PTPRC: variants seen among roughly 807,000 people sequenced by gnomAD.
PTPRC encodes receptor-type tyrosine-protein phosphatase C.
PTPRC carries 44 observed loss-of-function variants against 155.9 expected under a neutral mutation model. That is an observed-to-expected ratio of 0.28 (90% confidence interval 0.22 to 0.36). The LOEUF is 0.36. Among genes scored for constraint, PTPRC ranks in the 10% least tolerant of loss-of-function variants. The pLI, the probability that PTPRC is intolerant of heterozygous loss-of-function variation, is 1.00. For synonymous variants in PTPRC, 525 were observed against 533.1 expected (o/e 0.98, Z 0.21); for missense variants, 1,401 against 1,564.6 (o/e 0.90, Z 1.76).
chr1:198,680,310 G>A (rs1261893727), intron 2 of PTPRC, among the ~76,000 whole-genome samples: 2 of 152,042 alleles, frequency 1.3e-5, no homozygotes, highest in South Asian at 2.1e-4. Flanking sequence ...AATATTAGCC[G>A]GGTGTAGTGG....
intron 2 of PTPRC, among the ~76,000 whole-genome samples, chr1:198,673,772 C>G (rs76983201): frequency 0.022 from 3,379 of 152,236 alleles, 132 homozygotes; most frequent in African/African-American, 0.072. Flanking sequence ...CAAAGTGAAA[C>G]AATTTCCCAA....
chr1:198,681,884 T>C (rs1259985340), intron 2 of PTPRC, among the ~76,000 whole-genome samples: 2 of 152,174 alleles, frequency 1.3e-5, no homozygotes, highest in Non-Finnish European at 2.9e-5. Context: ...GTTAAATGTA[T>C]AGTCAGGCAG....
intron 2 of PTPRC, among the ~76,000 whole-genome samples, chr1:198,676,131 C>G (rs557638760): frequency 3.8e-4 from 58 of 152,204 alleles, no homozygotes; most frequent in Middle Eastern, 3.4e-3. Flanking sequence ...TAAGTCAAGC[C>G]AGTTTTATTT....
rs1553239425 is a variant in PTPRC at position 198,708,148 on chromosome 1, A to G, written c.920A>G (p.Gln307Arg). The change falls in exon 10 of 33, where the codon CAG (glutamine) becomes CGG (arginine). Residue 307 changes from glutamine (Q) to arginine (R), a missense_variant. This residue lies in a region of PTPRC where 867 missense variants were observed against 970.4 expected (regional missense o/e 0.89). Coordinates refer to ENST00000442510, the MANE Select transcript of PTPRC (RefSeq NM_002838.5). ...LDVPPGVEKF[Q>R]LHDCTQVEKA... is the part of the protein sequence containing the mutation. ...TTCTTGTCAGGGGTTGAAAAGTTTC[A>G]GTTACATGATTGTACACAAGTTGAA... The G allele has an allele frequency of 6.2e-7, 1 of 1,606,244 alleles. No individual in the cohort carries two copies. Among genetic ancestry groups the G allele is most frequent in the Admixed American group, 1.7e-5 (1 of 59,904 alleles).
intron 2 of PTPRC, among the ~76,000 whole-genome samples, chr1:198,675,699 G>T (rs1664913465): frequency 6.6e-6 from 1 of 152,104 alleles, no homozygotes; most frequent in Non-Finnish European, 1.5e-5. Flanking sequence ...AATTATAAAA[G>T]TATGCTGGTA....
intron 2 of PTPRC, among the ~76,000 whole-genome samples, chr1:198,665,779 G>A (rs1004169034): frequency 6.6e-6 from 1 of 152,106 alleles, no homozygotes; most frequent in African/African-American, 2.4e-5. Context: ...CACAGACTAG[G>A]GAGCATGTCT....
chr1:198,664,153 A>C (rs913097104), intron 2 of PTPRC, among the ~76,000 whole-genome samples: 10 of 152,178 alleles, frequency 6.6e-5, no homozygotes, highest in Non-Finnish European at 1.5e-4. Context: ...TGGTCTTTGA[A>C]TAATTGAGGA....
intron 2 of PTPRC, among the ~76,000 whole-genome samples, chr1:198,675,255 G>GAGA (rs1664887113): frequency 1.3e-5 from 2 of 152,116 alleles, no homozygotes; most frequent in Non-Finnish European, 2.9e-5. Flanking sequence ...TAATGTTGAT[G>GAGA]AGAAGCAAAC....
intron 17 of PTPRC, 115 bp downstream of exon 17, chr1:198,729,286 G>C (rs1654283150): frequency 1.6e-6 from 2 of 1,261,764 alleles, no homozygotes; most frequent in South Asian, 1.9e-5. Flanking sequence ...CTGTCTCCCA[G>C]GCTGAAGTGT....
At chr1:198,639,633 T>C (rs1662463489) in intron 2 of PTPRC, among the ~76,000 whole-genome samples, 1 of 152,110 alleles carries the variant, frequency 6.6e-6, no homozygotes, top group African/African-American at 2.4e-5. Flanking sequence ...GCAACATTAT[T>C]ACTTAACTTC....
At chr1:198,727,592 C>G (rs1654197498) in intron 15 of PTPRC, among the ~76,000 whole-genome samples, 1 of 152,080 alleles carries the variant, frequency 6.6e-6, no homozygotes, top group Non-Finnish European at 1.5e-5. Context: ...AGGAATCTGG[C>G]CAAGTTCCCA....
At chr1:198,727,377 G>A (rs1007366944) in intron 15 of PTPRC, among the ~76,000 whole-genome samples, 5 of 152,010 alleles carry the variant, frequency 3.3e-5, no homozygotes, top group Non-Finnish European at 4.4e-5. Context: ...AGTTCCATGA[G>A]GACAGGACCC....
intron 14 of PTPRC, among the ~76,000 whole-genome samples, chr1:198,719,059 T>C (rs1273088036): frequency 6.6e-6 from 1 of 152,152 alleles, no homozygotes; most frequent in African/African-American, 2.4e-5. Flanking sequence ...GCAAAATTTT[T>C]GAATGTCTTT....
chr1:198,694,384 T>C, intron 3 of PTPRC: 1 of 1,081,216 alleles, frequency 9.2e-7, no homozygotes, highest in Non-Finnish European at 1.2e-6. Flanking sequence ...TTAATCTCCC[T>C]TGGCAATACG....
intron 17 of PTPRC, among the ~76,000 whole-genome samples, chr1:198,730,120 G>A (rs755398797): frequency 6.6e-6 from 1 of 151,998 alleles, no homozygotes; most frequent in Non-Finnish European, 1.5e-5. Context: ...AGTAAAAGGG[G>A]ACAAAGTTTC....
intron 12 of PTPRC, among the ~76,000 whole-genome samples, chr1:198,713,538 G>A (rs145245883): frequency 6.7e-4 from 102 of 152,102 alleles, no homozygotes; most frequent in Non-Finnish European, 1.3e-3. Flanking sequence ...CCAGTTTGGT[G>A]TAATCTTGGG....
intron 23 of PTPRC, among the ~76,000 whole-genome samples, chr1:198,736,589 C>CA (rs1170594589): frequency 2.0e-5 from 3 of 151,630 alleles, no homozygotes; most frequent in African/African-American, 7.3e-5. Flanking sequence ...ATTCATCAGT[C>CA]AACTGATGCT....
At chr1:198,743,443 A>T (rs1387899458) in intron 25 of PTPRC, among the ~76,000 whole-genome samples, 1 of 151,922 alleles carries the variant, frequency 6.6e-6, no homozygotes, top group Non-Finnish European at 1.5e-5. Context: ...CAGTGGAAAG[A>T]CAGTGCCAAA....
At position 198,639,070 on chromosome 1, in the gene PTPRC, G is replaced by T. The variant is rs1662423896; in HGVS notation, c.-111G>T. The T allele has an allele frequency of 3.4e-6, 2 of 581,484 alleles. No individual in the cohort carries two copies. The highest frequency in any genetic ancestry group is 5.8e-5 in the East Asian group (2 of 34,694). 36.0% of individuals were successfully genotyped at this position (581,484 alleles called of 1,614,324 possible). ...CATCACCTAGCAGTTCATGCAGCTA[G>T]CAAGTGGTTTGTTCTTAGGGTAACA... On this transcript the variant is annotated 5_prime_UTR_variant, in exon 1 of 33. Coordinates refer to ENST00000442510, the MANE Select transcript of PTPRC (RefSeq NM_002838.5).
Sources: allele counts gnomAD v4.1 joint callset (sites outside exome capture counted in the v4.1 genomes callset), GRCh38; gene constraint gnomAD v4.1.1; regional missense constraint gnomAD v4.1.1; transcripts MANE v1.5; gene names NCBI Gene and HGNC (gene_info 2026-07-23, HGNC 2026-07-21).